The following PCP4 variants were observed in gnomAD, a reference collection of about 807,000 sequenced individuals.
The protein encoded by PCP4 is Purkinje cell protein 4, also known as calmodulin regulator protein PCP4.
PCP4 carries 8 observed loss-of-function variants against 10.0 expected under a neutral mutation model. The ratio of observed to expected loss-of-function variants is 0.80; its 90% CI spans 0.47 to 1.45. The LOEUF is 1.45. PCP4 is among the 40% of genes most tolerant of loss of function. PCP4 has a pLI of 0.00. For synonymous variants in PCP4, 21 were observed against 23.0 expected (o/e 0.91, Z 0.24); for missense variants, 54 against 74.4 (o/e 0.73, Z 1.01).
chr21:39,918,999 T>G (rs2299786), intron 2 of PCP4, among the ~76,000 whole-genome samples: 2 of 152,148 alleles, frequency 1.3e-5, no homozygotes, highest in Non-Finnish European at 2.9e-5. Context: ...ATTGTTATAA[T>G]TTTTTTTCCT....
chr21:39,910,878 G>A (rs2087536554), intron 2 of PCP4, among the ~76,000 whole-genome samples: 1 of 152,210 alleles, frequency 6.6e-6, no homozygotes, highest in Admixed American at 6.5e-5. Flanking sequence ...TGGGGCTTGG[G>A]TGAATTCCCA....
chr21:39,913,811 C>T (rs1375021730), intron 2 of PCP4, among the ~76,000 whole-genome samples: 1 of 152,128 alleles, frequency 6.6e-6, no homozygotes, highest in Non-Finnish European at 1.5e-5. Context: ...CAAAACAGAC[C>T]CGTCTACCGA....
chr21:39,891,797 G>C (rs1191672504), intron 1 of PCP4, among the ~76,000 whole-genome samples: 2 of 152,220 alleles, frequency 1.3e-5, no homozygotes, highest in African/African-American at 4.8e-5. Flanking sequence ...AGGCAGCATA[G>C]GTCAGCGTTT....
chr21:39,912,873 A>G (rs1166716275), intron 2 of PCP4, among the ~76,000 whole-genome samples: 1 of 151,962 alleles, frequency 6.6e-6, no homozygotes, highest in African/African-American at 2.4e-5. Context: ...CTATAACCAG[A>G]TAACTTATTT....
At chr21:39,897,646 C>A (rs1024746900) in intron 1 of PCP4, among the ~76,000 whole-genome samples, 1 of 152,028 alleles carries the variant, frequency 6.6e-6, no homozygotes, top group Non-Finnish European at 1.5e-5. Context: ...TTCTAGTTAA[C>A]CTGGTAAAAT....
At chr21:39,896,221 G>C (rs1367585462) in intron 1 of PCP4, among the ~76,000 whole-genome samples, 1 of 152,218 alleles carries the variant, frequency 6.6e-6, no homozygotes, top group Non-Finnish European at 1.5e-5. Flanking sequence ...GGTTGAGCAT[G>C]CACCTATTTT....
intron 2 of PCP4, among the ~76,000 whole-genome samples, chr21:39,902,148 C>G (rs2087484859): frequency 6.6e-6 from 1 of 151,910 alleles, no homozygotes; most frequent in Non-Finnish European, 1.5e-5. Context: ...GTCTACATGT[C>G]TTGAAGGAGC....
intron 1 of PCP4, among the ~76,000 whole-genome samples, chr21:39,885,617 TC>T (rs2087396798): frequency 6.6e-6 from 1 of 152,126 alleles, no homozygotes; most frequent in African/African-American, 2.4e-5. Context: ...TGGAGTCACA[TC>T]CCCCTGCAGA....
chr21:39,874,882 A>G (rs1487348915), intron 1 of PCP4, among the ~76,000 whole-genome samples: 1 of 152,212 alleles, frequency 6.6e-6, no homozygotes, highest in African/African-American at 2.4e-5. Flanking sequence ...ATAATACCTG[A>G]AAGTGCTGCT....
At chr21:39,895,725 C>T (rs1272946102) in intron 1 of PCP4, among the ~76,000 whole-genome samples, 1 of 152,194 alleles carries the variant, frequency 6.6e-6, no homozygotes, top group Non-Finnish European at 1.5e-5. Context: ...GCTTGAGCGC[C>T]CTTGAAGCCT....
chr21:39,904,985 A>G (rs2087499503), intron 2 of PCP4, among the ~76,000 whole-genome samples: 1 of 152,234 alleles, frequency 6.6e-6, no homozygotes, highest in Non-Finnish European at 1.5e-5. Flanking sequence ...ACTGGCTGTG[A>G]AAAAAGCACC....
At chr21:39,880,465 G>C (rs143376700) in intron 1 of PCP4, among the ~76,000 whole-genome samples, 8 of 148,846 alleles carry the variant, frequency 5.4e-5, no homozygotes, top group Non-Finnish European at 1.0e-4. Flanking sequence ...GTGTGTGTGA[G>C]TGTGTGTGTG....
intron 2 of PCP4, among the ~76,000 whole-genome samples, chr21:39,922,151 C>T (rs2087599634): frequency 6.6e-6 from 1 of 152,076 alleles, no homozygotes; most frequent in Non-Finnish European, 1.5e-5. Flanking sequence ...CATGCCTGGC[C>T]CTGAGACTCG....
chr21:39,878,218 A>G (rs1474704992), intron 1 of PCP4, among the ~76,000 whole-genome samples: 1 of 152,182 alleles, frequency 6.6e-6, no homozygotes, highest in Non-Finnish European at 1.5e-5. Context: ...TGCATGGGTT[A>G]ATTTGCCATT....
At chr21:39,926,317 T>A (rs920001934) in intron 2 of PCP4, 1 of 174,180 alleles carries the variant, frequency 5.7e-6, no homozygotes, top group Non-Finnish European at 1.2e-5. Context: ...CCTCACTGTT[T>A]CATTATATAT....
intron 1 of PCP4, among the ~76,000 whole-genome samples, chr21:39,875,824 G>A (rs2087342884): frequency 6.6e-6 from 1 of 152,242 alleles, no homozygotes; most frequent in Non-Finnish European, 1.5e-5. Context: ...ATGTATACAT[G>A]CGAATATGCC....
chr21:39,875,962 A>G (rs970831665), intron 1 of PCP4, among the ~76,000 whole-genome samples: 2 of 152,070 alleles, frequency 1.3e-5, no homozygotes, highest in Non-Finnish European at 2.9e-5. Context: ...ATTGGTGCCC[A>G]TGAAGACATC....
intron 2 of PCP4, among the ~76,000 whole-genome samples, chr21:39,913,753 A>T (rs2087552983): frequency 6.6e-6 from 1 of 151,942 alleles, no homozygotes; most frequent in Non-Finnish European, 1.5e-5. Context: ...TGCTTCACAG[A>T]CCCCCTTTGG....
At chr21:39,903,043 G>C (rs1172390101) in intron 2 of PCP4, among the ~76,000 whole-genome samples, 1 of 152,166 alleles carries the variant, frequency 6.6e-6, no homozygotes, top group African/African-American at 2.4e-5. Flanking sequence ...TACATTGCTG[G>C]ATTTCTTGAT....
Sources: gnomAD v4.1 joint callset for allele counts (sites outside exome capture counted in the v4.1 genomes callset) on GRCh38, gnomAD v4.1.1 for gene constraint, MANE v1.5 for transcripts, NCBI Gene and HGNC (gene_info 2026-07-23, HGNC 2026-07-21) for gene names.